Variants in ENTPD6 observed in about 807,000 individuals in gnomAD.
The protein encoded by ENTPD6 is ectonucleoside triphosphate diphosphohydrolase 6.
A neutral mutation model predicts 61.5 loss-of-function variants in ENTPD6; 46 were observed. That is an observed-to-expected ratio of 0.75 (90% CI 0.59 to 0.96). The LOEUF (loss-of-function observed/expected upper bound fraction) is 0.96, where lower values mean the gene tolerates loss of function less well. Ranked by LOEUF, ENTPD6 falls within the 40% of genes least tolerant of loss-of-function variation. ENTPD6 has a pLI of 0.00. For missense variants in ENTPD6, 612 were observed against 629.0 expected, an observed-to-expected ratio of 0.97 and a Z score of 0.29; for synonymous variants, 252 against 255.5, an observed-to-expected ratio of 0.99 and a Z score of 0.13.
Position 25,213,415 on chromosome 20 carries a change from G to A in ENTPD6, c.597+9G>A, listed in dbSNP as rs374510567. The A allele has an allele frequency of 1.2e-5, 19 of 1,597,362 alleles. No homozygotes were observed. The highest frequency in any genetic ancestry group is 1.5e-5 in the Non-Finnish European group (18 of 1,171,266). On this transcript the variant is annotated intron_variant, in intron 5 of 14. Transcript: ENST00000376652. ...AGAAGTTACTGCAGAAGGTGAGCCT[G>A]GCCATTCCCCAGTGCCATTAGCCAG... is the stretch of plus-strand genomic sequence containing the variant.
chr20:25,223,875 G>A (rs1157689776), intron 12 of ENTPD6: 1 of 408,088 alleles, frequency 2.5e-6, no homozygotes, highest in Admixed American at 4.4e-5. Context: ...ACACTGCAGG[G>A]TTGGGTTGTG....
At chr20:25,223,021 AG>A in intron 12 of ENTPD6, 43 bp downstream of exon 12, 1 of 488,140 alleles carries the variant, frequency 2.0e-6, no homozygotes, top group Non-Finnish European at 3.4e-6. Flanking sequence ...TCGGGGCGGC[AG>A]GGGGCGGGGG....
At chr20:25,222,435 G>GTGTA in intron 11 of ENTPD6, 2 of 171,030 alleles carry the variant, frequency 1.2e-5, no homozygotes, top group Admixed American at 1.1e-4. Context: ...AAGTGAGCTG[G>GTGTA]GCCTCCACTT....
At position 25,227,924 on chromosome 20, in the gene ENTPD6, TTAA is replaced by T. The variant is rs1600707900; in HGVS notation, c.*2330_*2332del. On this transcript the variant is annotated 3_prime_UTR_variant, in exon 15 of 15. Coordinates refer to ENST00000376652, the MANE Select transcript of ENTPD6 (RefSeq NM_001247.5). The stretch of plus-strand genomic sequence containing the variant: ...TTTAAAAAAATGATAACTGGTAGTT[TTAA>T]TATGCATGGATCTAATTCATCGGGT... Among the ~76,000 whole-genome samples, 1 of 152,412 alleles carries T rather than the reference TTAA, an allele frequency of 6.6e-6. No homozygotes were observed. The highest frequency in any genetic ancestry group is 1.9e-4 in the East Asian group (1 of 5,192).
chr20:25,219,522 G>A (rs2092532908), intron 10 of ENTPD6, among the ~76,000 whole-genome samples: 1 of 152,208 alleles, frequency 6.6e-6, no homozygotes, highest in Non-Finnish European at 1.5e-5. Context: ...TCCTTATAAT[G>A]GGCATCACAG....
At chr20:25,197,206 T>G (rs2090531589) in intron 1 of ENTPD6, 4 of 985,506 alleles carry the variant, frequency 4.1e-6, no homozygotes, top group Non-Finnish European at 4.8e-6. Context: ...CCACATCAGA[T>G]GGCCCCTGTA....
chr20:25,221,177 A>G, intron 10 of ENTPD6, 55 bp from the exon 11 acceptor site: 1 of 1,410,358 alleles, frequency 7.1e-7, no homozygotes, highest in South Asian at 1.3e-5. Flanking sequence ...GCTCAGCCCT[A>G]GTCCATGGCG....
chr20:25,214,120 T>C (rs2123012251), intron 5 of ENTPD6, among the ~76,000 whole-genome samples: 1 of 152,266 alleles, frequency 6.6e-6, no homozygotes, highest in African/African-American at 2.4e-5. Context: ...CCCTGTGGCC[T>C]CTCCCAGTCC....
intron 1 of ENTPD6, among the ~76,000 whole-genome samples, chr20:25,196,714 C>T (rs575091323): frequency 1.3e-5 from 2 of 152,252 alleles, no homozygotes; most frequent in South Asian, 4.1e-4. Context: ...CGCAGGAGTT[C>T]CTTGGGAGAG....
At chr20:25,196,956 TC>T (rs2090497397) in intron 1 of ENTPD6, 2 of 314,256 alleles carry the variant, frequency 6.4e-6, no homozygotes, top group Non-Finnish European at 9.2e-6. Flanking sequence ...TGGAAGCGCC[TC>T]CCCTCCCACC....
rs148516598 is a variant in ENTPD6 at position 25,213,340 on chromosome 20, G to A, written c.531G>A (p.Leu177=). The A allele has an allele frequency of 1.9e-6, 3 of 1,614,100 alleles. No homozygotes were observed. The highest frequency in any genetic ancestry group is 2.7e-5 in the African/African-American group (2 of 74,930). The change falls in exon 5 of 15, where the codon CTG becomes CTA. Residue 177 remains leucine (L), a synonymous_variant. Transcript: ENST00000376652. ...IPFDFWKATP[L]VLKATAGLRL... ...TCGACTTCTGGAAGGCCACCCCTCT[G>A]GTCCTCAAGGCCACAGCTGGCTTAC...
At chr20:25,196,753 C>A (rs117558631) in intron 1 of ENTPD6, among the ~76,000 whole-genome samples, 2 of 152,164 alleles carry the variant, frequency 1.3e-5, no homozygotes, top group African/African-American at 2.4e-5. Flanking sequence ...TCCTCCCACC[C>A]GCTGTGCAAG....
chr20:25,218,268 A>G (rs549058697), intron 9 of ENTPD6, among the ~76,000 whole-genome samples: 15 of 152,326 alleles, frequency 9.8e-5, no homozygotes, highest in Non-Finnish European at 1.8e-4. Flanking sequence ...GATTCTTGTT[A>G]TAAAGCAGGA....
chr20:25,204,884 G>A (rs1221827695), intron 1 of ENTPD6, among the ~76,000 whole-genome samples: 1 of 152,124 alleles, frequency 6.6e-6, no homozygotes, highest in African/African-American at 2.4e-5. Context: ...CATTCTCTTG[G>A]TTGCTGTAGA....
chr20:25,209,912 A>T lies in ENTPD6; in HGVS notation c.440A>T (p.Asp147Val), dbSNP rs1197551805. ...ALKPGLSAYA[D>V]DVEKSAQGIR... Reference sequence around the variant, plus strand: ...AAGCCAGGTCTTTCTGCCTATGCTGATGATGTTGAAAAGGTAAGGATCCTC... The same window carrying T: ...AAGCCAGGTCTTTCTGCCTATGCTGTTGATGTTGAAAAGGTAAGGATCCTC... The change falls in exon 4 of 15, where the codon GAT (aspartate) becomes GTT (valine). Residue 147 changes from aspartate (D) to valine (V), a missense_variant. By Grantham distance (152) the Asp-to-Val change is radical. Transcript: ENST00000376652. 6.2e-7 allele frequency: 1 copy of T among 1,614,096 alleles called. No homozygotes were observed. The highest frequency in any genetic ancestry group is 1.1e-5 in the South Asian group (1 of 91,086).
At chr20:25,223,009 G>T (rs2123340511) in intron 12 of ENTPD6, 31 bp downstream of exon 12, 1 of 1,592,696 alleles carries the variant, frequency 6.3e-7, no homozygotes, top group South Asian at 1.1e-5. Flanking sequence ...TGAGCAGGAA[G>T]GTCGGGGCGG....
chr20:25,209,839 T>G lies in ENTPD6; in HGVS notation c.377-10T>G. ...ATAGTTGTACCCTTTTCAACATGTT[T>G]TCCCCTTAGAAACTCCCACGTTAAC... On this transcript the variant is annotated splice_polypyrimidine_tract_variant and intron_variant, in intron 3 of 14. Transcript: ENST00000376652. The G allele has an allele frequency of 6.2e-7, 1 of 1,611,990 alleles. No homozygotes were observed. Among genetic ancestry groups the G allele is most frequent in the African/African-American group, 1.3e-5 (1 of 75,010 alleles).
At chr20:25,215,817 C>G in intron 7 of ENTPD6, 106 bp downstream of exon 7, 3 of 1,244,144 alleles carry the variant, frequency 2.4e-6, no homozygotes, top group Non-Finnish European at 3.5e-6. Flanking sequence ...TTAAGATAAC[C>G]CCTCAGGGTT....
chr20:25,215,317 A>G (rs938705773), intron 6 of ENTPD6, among the ~76,000 whole-genome samples: 1 of 152,216 alleles, frequency 6.6e-6, no homozygotes, highest in Non-Finnish European at 1.5e-5. Context: ...GTTCCTCACT[A>G]GCTCCTGATA....
Sources: allele counts gnomAD v4.1 joint callset (sites outside exome capture counted in the v4.1 genomes callset), GRCh38; gene constraint gnomAD v4.1.1; transcripts MANE v1.5; gene names NCBI Gene and HGNC (gene_info 2026-07-23, HGNC 2026-07-21).